ZDHHC14: variants seen among roughly 807,000 people sequenced by gnomAD.
The protein encoded by ZDHHC14 is zDHHC palmitoyltransferase 14, also known as palmitoyltransferase ZDHHC14.
ZDHHC14 carries 16 observed loss-of-function variants against 47.7 expected under a neutral mutation model. That is an observed-to-expected ratio of 0.34 (90% CI 0.23 to 0.51). The LOEUF (loss-of-function observed/expected upper bound fraction) is 0.51. Among genes scored for constraint, ZDHHC14 ranks in the 20% least tolerant of loss-of-function variants. ZDHHC14 has a pLI of 0.97. For missense variants in ZDHHC14, 515 were observed against 662.5 expected (o/e 0.78, Z 2.44); for synonymous variants, 293 against 278.9 (o/e 1.05, Z -0.50).
chr6:157,490,365 G>A (rs1025681660), intron 1 of ZDHHC14, among the ~76,000 whole-genome samples: 3 of 152,218 alleles, frequency 2.0e-5, no homozygotes, highest in African/African-American at 7.2e-5. Flanking sequence ...AAGCCAGCAT[G>A]TATTCCACAT....
At chr6:157,464,424 G>A (rs1267943826) in intron 1 of ZDHHC14, among the ~76,000 whole-genome samples, 3 of 152,114 alleles carry the variant, frequency 2.0e-5, no homozygotes, top group Non-Finnish European at 4.4e-5. Context: ...TTCAGACCAG[G>A]ACTTATTAAA....
chr6:157,638,441 A>G (rs1777087432), intron 5 of ZDHHC14, among the ~76,000 whole-genome samples: 1 of 151,504 alleles, frequency 6.6e-6, no homozygotes, highest in Admixed American at 6.6e-5. Context: ...GCCCCGTACC[A>G]TGGACAAGAG....
At chr6:157,384,014 TGCC>T (rs1335065525) in intron 1 of ZDHHC14, among the ~76,000 whole-genome samples, 1 of 152,248 alleles carries the variant, frequency 6.6e-6, no homozygotes, top group African/African-American at 2.4e-5. Flanking sequence ...TTAACAGAAA[TGCC>T]ATCTCTCTAA....
chr6:157,584,680 G>A lies in ZDHHC14; in HGVS notation c.407-8308G>A, dbSNP rs9456512. Among the ~76,000 whole-genome samples the A allele has an allele frequency of 4.7e-3, 717 of 152,214 alleles. 8 individuals are homozygous for A. The highest frequency in any genetic ancestry group is 0.016 in the African/African-American group (669 of 41,516). ...AATTCTGTGTGAAACAATTGTCAACGGGCAGCTTCCCATCCTTGAGCCCAC... is the reference window on the plus strand; with the variant it reads ...AATTCTGTGTGAAACAATTGTCAACAGGCAGCTTCCCATCCTTGAGCCCAC... On this transcript the variant is annotated intron_variant, in intron 2 of 8. Transcript: ENST00000359775.
At chr6:157,539,871 T>G (rs1425929813) in intron 1 of ZDHHC14, among the ~76,000 whole-genome samples, 1 of 150,046 alleles carries the variant, frequency 6.7e-6, no homozygotes, top group Non-Finnish European at 1.5e-5. Flanking sequence ...CTCTTTCATT[T>G]GCTTAAATGG....
chr6:157,401,865 C>A (rs1190202021), intron 1 of ZDHHC14, among the ~76,000 whole-genome samples: 1 of 150,188 alleles, frequency 6.7e-6, no homozygotes, highest in South Asian at 2.1e-4. Context: ...GTGATATGTG[C>A]ACCTGCTGAG....
intron 8 of ZDHHC14, among the ~76,000 whole-genome samples, chr6:157,670,505 G>A (rs1175907009): frequency 6.6e-6 from 1 of 152,130 alleles, no homozygotes; most frequent in Non-Finnish European, 1.5e-5. Context: ...TGTTGCCCAA[G>A]CTGGTCTCGA....
chr6:157,647,568 A>G (rs763426175), intron 7 of ZDHHC14, among the ~76,000 whole-genome samples, 200 bp downstream of exon 7: 21 of 152,178 alleles, frequency 1.4e-4, no homozygotes, highest in Non-Finnish European at 2.8e-4. Context: ...TCTTCAATTG[A>G]ATCTGTGTCT....
chr6:157,417,666 A>G (rs1184456109), intron 1 of ZDHHC14, among the ~76,000 whole-genome samples: 1 of 152,244 alleles, frequency 6.6e-6, no homozygotes, highest in Non-Finnish European at 1.5e-5. Flanking sequence ...CTGATATGAT[A>G]CATAAATCTA....
At chr6:157,530,787 T>C (rs561176362) in intron 1 of ZDHHC14, among the ~76,000 whole-genome samples, 1 of 152,220 alleles carries the variant, frequency 6.6e-6, no homozygotes, top group Non-Finnish European at 1.5e-5. Context: ...GTGGGTGAAA[T>C]AGCTTAGCCT....
chr6:157,642,063 T>TAGATAGATAGAG (rs1562524644), intron 5 of ZDHHC14, among the ~76,000 whole-genome samples: 2 of 151,506 alleles, frequency 1.3e-5, no homozygotes, highest in Non-Finnish European at 2.9e-5. Flanking sequence ...GATAGATAGA[T>TAGATAGATAGAG]AGATAGTTAT....
chr6:157,551,819 G>A (rs751144458), intron 2 of ZDHHC14, among the ~76,000 whole-genome samples: 9 of 152,166 alleles, frequency 5.9e-5, no homozygotes, highest in Non-Finnish European at 1.0e-4. Flanking sequence ...GATAAATAGC[G>A]TCTTATTCCT....
At chr6:157,503,947 C>T (rs1456817226) in intron 1 of ZDHHC14, among the ~76,000 whole-genome samples, 1 of 152,178 alleles carries the variant, frequency 6.6e-6, no homozygotes, top group Non-Finnish European at 1.5e-5. Context: ...CACATCTACC[C>T]TCTGACTCAA....
rs192635842 is a variant in ZDHHC14 at position 157,487,589 on chromosome 6, A to G, written c.246-54996A>G. Among the ~76,000 whole-genome samples the G allele has an allele frequency of 7.2e-5, 11 of 152,352 alleles. 1 individual carries two copies. In the East Asian group the frequency reaches 2.1e-3, roughly 29 times the overall value. On this transcript the variant is annotated intron_variant, in intron 1 of 8. Transcript: ENST00000359775. ...CAGACGCTGACTGGCCTAAGGCCAT[A>G]CAGTCTGTGCATGGCGGAACTGGGA... is the stretch of plus-strand genomic sequence containing the variant.
intron 2 of ZDHHC14, among the ~76,000 whole-genome samples, chr6:157,547,140 G>A (rs1003255691): frequency 3.3e-5 from 5 of 152,210 alleles, no homozygotes; most frequent in Non-Finnish European, 7.3e-5. Flanking sequence ...GAGGTAGAAT[G>A]CCACTTCCCC....
At chr6:157,605,334 T>C (rs140840114) in intron 3 of ZDHHC14, among the ~76,000 whole-genome samples, 6,336 of 152,330 alleles carry the variant, frequency 0.042, 184 homozygotes, top group Non-Finnish European at 0.063. Flanking sequence ...AATCCAGTAA[T>C]GTGCCTTTGG....
chr6:157,673,028 C>A lies in ZDHHC14; in HGVS notation c.1373C>A (p.Ala458Glu). Residue 458 changes from alanine (A) to glutamate (E), a missense_variant, in exon 9 of 9, where the codon GCG (alanine) becomes GAG (glutamate). Coordinates refer to ENST00000359775, the MANE Select transcript of ZDHHC14 (RefSeq NM_024630.3). The surrounding 1 kb of genome is among the most constrained non-coding windows in gnomAD (Gnocchi z 5.4). ...CTACTGGCGGCGGGCAGCCCCCTGG[C>A]GCACAGCCGCACCATGCACGTGCTG... is the stretch of plus-strand genomic sequence containing the variant. ...PRLLAAGSPLAHSRTMHVLGL... is the reference protein window; with the variant it reads ...PRLLAAGSPLEHSRTMHVLGL... 1 of 1,563,822 alleles carries A rather than the reference C, an allele frequency of 6.4e-7. No homozygotes were observed. The highest frequency in any genetic ancestry group is 8.6e-7 in the Non-Finnish European group (1 of 1,161,250).
At chr6:157,537,574 G>C (rs1459000851) in intron 1 of ZDHHC14, among the ~76,000 whole-genome samples, 1 of 152,152 alleles carries the variant, frequency 6.6e-6, no homozygotes, top group Non-Finnish European at 1.5e-5. Context: ...TAATCTTTAT[G>C]AAGACTAAGA....
At chr6:157,451,107 G>T (rs1778794271) in intron 1 of ZDHHC14, among the ~76,000 whole-genome samples, 1 of 151,950 alleles carries the variant, frequency 6.6e-6, no homozygotes, top group African/African-American at 2.4e-5. Flanking sequence ...CGGATGGGCT[G>T]GGATGCATTT....
Sources: gnomAD v4.1 joint callset for allele counts (sites outside exome capture counted in the v4.1 genomes callset) on GRCh38, gnomAD v4.1.1 for gene constraint, Gnocchi (gnomAD v3.1) non-coding constraint, MANE v1.5 for transcripts, NCBI Gene and HGNC (gene_info 2026-07-23, HGNC 2026-07-21) for gene names.